The following RYR3 variants were observed in gnomAD, a reference collection of about 807,000 sequenced individuals.
The protein encoded by RYR3 is ryanodine receptor 3, also known as brain ryanodine receptor-calcium release channel.
RYR3 carries 207 observed loss-of-function variants against 584.3 expected under a neutral mutation model. The ratio of observed to expected loss-of-function variants is 0.35; its 90% confidence interval spans 0.32 to 0.40. RYR3 has a LOEUF of 0.40. Among genes scored for constraint, RYR3 ranks in the 10% least tolerant of loss-of-function variants. The probability of loss-of-function intolerance (pLI) is 1.00; values close to 1 mark genes in which losing one functional copy is unlikely to be tolerated. For synonymous variants in RYR3, 2,416 were observed against 2,248.5 expected (o/e 1.07, Z -2.11); for missense variants, 5,616 against 6,089.2 (o/e 0.92, Z 2.59).
In RYR3 at chr15:33,631,843, G is replaced by T. The variant is rs371396803; in HGVS notation, c.2867+550G>T. On this transcript the variant is annotated intron_variant, in intron 23 of 103. Coordinates refer to ENST00000634891, the MANE Select transcript of RYR3 (RefSeq NM_001036.6). ...TTGTTTGCTCTCATGCATGCCAGCA[G>T]ATATGCAGATGGATTCACACACAGG... Among the ~76,000 whole-genome samples the T allele has an allele frequency of 5.9e-5, 9 of 152,348 alleles. No homozygotes were observed. In the East Asian group the frequency reaches 1.5e-3, roughly 26 times the overall value.
chr15:33,860,430 T>G (rs1225147793), intron 100 of RYR3, among the ~76,000 whole-genome samples, 165 bp from the exon 101 acceptor site: 1 of 152,136 alleles, frequency 6.6e-6, no homozygotes, highest in East Asian at 1.9e-4. Flanking sequence ...CAATGAGAAA[T>G]TGTTAGCCAG....
intron 1 of RYR3, among the ~76,000 whole-genome samples, chr15:33,317,769 C>T (rs1426831074): frequency 1.3e-5 from 2 of 152,168 alleles, no homozygotes; most frequent in African/African-American, 4.8e-5. Context: ...CTCACATGCA[C>T]TTTTCCCCTC....
rs560358101 is a variant in RYR3 at position 33,540,662 on chromosome 15, A to G, written c.547-129A>G. ...TCTAGATCAGGTGGAGAAATCTCCC[A>G]CAGGCTGTATAGAAAGAACCAGATG... On this transcript the variant is annotated intron_variant, in intron 6 of 103. Coordinates refer to ENST00000634891, the MANE Select transcript of RYR3 (RefSeq NM_001036.6). 3 of 625,316 alleles carry G rather than the reference A, an allele frequency of 4.8e-6. No individual in the cohort carries two copies. The African/African-American group carries it at 5.4e-5, about 11-fold the overall frequency. The allele number at this position is 625,316 out of a possible 1,614,324, so 38.7% of individuals were successfully genotyped here. A position where few individuals can be genotyped will look rare whatever the true frequency, so the allele number is the denominator to read the frequency against.
Position 33,838,140 on chromosome 15 carries a change from A to G in RYR3, c.12160A>G (p.Thr4054Ala), listed in dbSNP as rs1210599482. The change falls in exon 89 of 104, where the codon ACT (threonine) becomes GCT (alanine). Residue 4054 changes from threonine (T) to alanine (A), a missense_variant. Coordinates refer to ENST00000634891, the MANE Select transcript of RYR3 (RefSeq NM_001036.6). ...TTTTGAGATCAGTGAATCCAGTCGC[A>G]CTCAGTGGGAGAAGCCCCAGGTGAA... is the stretch of plus-strand genomic sequence containing the variant. ...VYFEISESSR[T>A]QWEKPQVKES... The G allele has an allele frequency of 1.9e-6, 3 of 1,613,830 alleles. No homozygotes were observed. Among genetic ancestry groups the G allele is most frequent in the Admixed American group, 3.3e-5 (2 of 59,994 alleles).
At chr15:33,542,274 G>T (rs2055882803) in intron 7 of RYR3, among the ~76,000 whole-genome samples, 1 of 152,080 alleles carries the variant, frequency 6.6e-6, no homozygotes, top group South Asian at 2.1e-4. Flanking sequence ...ACCAGCACTT[G>T]GCAGTGTTCT....
At chr15:33,640,442 C>T (rs1367844340) in intron 27 of RYR3, among the ~76,000 whole-genome samples, 2 of 152,180 alleles carry the variant, frequency 1.3e-5, no homozygotes, top group African/African-American at 4.8e-5. Flanking sequence ...CCCAGAAACA[C>T]CCCAGGAATG....
intron 74 of RYR3, 75 bp downstream of exon 74, chr15:33,813,654 C>T: frequency 8.4e-7 from 1 of 1,186,240 alleles, no homozygotes; most frequent in South Asian, 1.3e-5. Context: ...GCTGTGCTCT[C>T]TCACTCTTAA....
Position 33,669,469 on chromosome 15 carries a change from G to C in RYR3, c.5722+13G>C, listed in dbSNP as rs781030950. Reference sequence around the variant, plus strand: ...CTCCTTCACTGTGGTAAGCTGCCCAGAGAAAGGCTTTGTCCTTTTTTTACA... The same window carrying C: ...CTCCTTCACTGTGGTAAGCTGCCCACAGAAAGGCTTTGTCCTTTTTTTACA... On this transcript the variant is annotated intron_variant, in intron 37 of 103. Transcript: ENST00000634891. 5.0e-6 allele frequency: 8 copies of C among 1,609,436 alleles called. No individual in the cohort carries two copies. Among genetic ancestry groups the C allele is most frequent in the Non-Finnish European group, 6.8e-6 (8 of 1,175,982 alleles).
chr15:33,647,984 C>T (rs929774259), intron 30 of RYR3, among the ~76,000 whole-genome samples: 2 of 80,754 alleles, frequency 2.5e-5, no homozygotes, highest in African/African-American at 9.0e-5. Context: ...TCTTTAGCAT[C>T]TGGCAAAAAA....
chr15:33,826,989 C>T (rs2077409164), intron 84 of RYR3, among the ~76,000 whole-genome samples: 1 of 152,202 alleles, frequency 6.6e-6, no homozygotes, highest in Non-Finnish European at 1.5e-5. Context: ...CATCTAGCCC[C>T]TTGGGGCTCG....
intron 1 of RYR3, among the ~76,000 whole-genome samples, chr15:33,327,019 C>A (rs1265495743): frequency 7.3e-6 from 1 of 136,644 alleles, no homozygotes; most frequent in Non-Finnish European, 1.6e-5. Flanking sequence ...AAAAAAAAAA[C>A]TCCACTGACA....
intron 22 of RYR3, 119 bp from the exon 23 acceptor site, chr15:33,631,091 T>C: frequency 1.6e-6 from 1 of 618,194 alleles, no homozygotes; most frequent in Non-Finnish European, 2.8e-6. Flanking sequence ...AGAAAAAGTC[T>C]ACTGACCCCT....
chr15:33,600,996 CTG>C lies in RYR3; in HGVS notation c.1789-419_1789-418del, dbSNP rs777044302. On this transcript the variant is annotated intron_variant, in intron 16 of 103. Transcript: ENST00000634891. Reference sequence around the variant, plus strand: ...ACAGAGGGTCTTTTATCCTTCTGCTCTGTGTTTTCAGAGCTCAGACAGTGAGC... The same window carrying C: ...ACAGAGGGTCTTTTATCCTTCTGCTCTGTTTTCAGAGCTCAGACAGTGAGC... Among the ~76,000 whole-genome samples, 10 of 152,292 alleles carry C rather than the reference CTG, an allele frequency of 6.6e-5. No individual in the cohort carries two copies. The Middle Eastern group carries it at 0.01, about 155-fold the overall frequency.
At chr15:33,316,714 C>T (rs1022313102) in intron 1 of RYR3, among the ~76,000 whole-genome samples, 3 of 152,196 alleles carry the variant, frequency 2.0e-5, no homozygotes, top group African/African-American at 7.2e-5. Context: ...AAATGAGAGA[C>T]ATATTACCCC....
At chr15:33,329,034 T>C (rs1514033) in intron 1 of RYR3, among the ~76,000 whole-genome samples, 53,182 of 152,086 alleles carry the variant, frequency 0.35, 10,142 homozygotes, top group Non-Finnish European at 0.42. Flanking sequence ...AGGAAATTTA[T>C]GGTTAGAGTA....
intron 3 of RYR3, among the ~76,000 whole-genome samples, chr15:33,515,254 A>T (rs1192677640): frequency 6.6e-6 from 1 of 152,204 alleles, no homozygotes; most frequent in Non-Finnish European, 1.5e-5. Context: ...TGTCTAAACC[A>T]TCGAAGCCAC....
At chr15:33,442,851 G>T (rs1370273327) in intron 1 of RYR3, among the ~76,000 whole-genome samples, 1 of 152,330 alleles carries the variant, frequency 6.6e-6, no homozygotes. Flanking sequence ...TCCACCACAA[G>T]GGGCTATAAC....
intron 2 of RYR3, among the ~76,000 whole-genome samples, chr15:33,489,903 A>G (rs1268833401): frequency 6.7e-6 from 1 of 148,910 alleles, no homozygotes; most frequent in Non-Finnish European, 1.5e-5. Context: ...TCTGACTGAG[A>G]TGGTGAGATG....
chr15:33,646,226 C>T, intron 28 of RYR3, 125 bp from the exon 29 acceptor site: 1 of 763,760 alleles, frequency 1.3e-6, no homozygotes, highest in East Asian at 2.5e-5. Flanking sequence ...TTGGTTATCA[C>T]TGGACACAAC....
Sources: gnomAD v4.1 joint callset for allele counts (sites outside exome capture counted in the v4.1 genomes callset) on GRCh38, gnomAD v4.1.1 for gene constraint, MANE v1.5 for transcripts, NCBI Gene and HGNC (gene_info 2026-07-23, HGNC 2026-07-21) for gene names.